LRRC4C: variants seen among roughly 807,000 people sequenced by gnomAD.
LRRC4C encodes leucine rich repeat containing 4C.
LRRC4C carries 5 observed loss-of-function variants against 33.6 expected under a neutral mutation model. The observed-to-expected ratio is 0.15, with a 90% confidence interval of 0.08 to 0.31. The LOEUF (loss-of-function observed/expected upper bound fraction) is 0.31, where lower values mean the gene tolerates loss of function less well. LRRC4C is among the 10% of genes least tolerant of loss of function. The probability of loss-of-function intolerance (pLI) is 1.00; values close to 1 mark genes in which losing one functional copy is unlikely to be tolerated. For missense variants in LRRC4C, 560 were observed against 796.7 expected (o/e 0.70, Z 3.58); for synonymous variants, 329 against 302.0 (o/e 1.09, Z -0.93).
intron 3 of LRRC4C, among the ~76,000 whole-genome samples, chr11:40,507,776 G>A (rs1220928197): frequency 7.4e-6 from 1 of 135,504 alleles, no homozygotes; most frequent in Non-Finnish European, 1.5e-5. Context: ...GTCTCACTCT[G>A]TTGTGCAGGC....
intron 2 of LRRC4C, among the ~76,000 whole-genome samples, chr11:40,906,578 G>T (rs1233023540): frequency 6.6e-6 from 1 of 152,016 alleles, no homozygotes; most frequent in South Asian, 2.1e-4. Context: ...GTGTAAACAG[G>T]ACTTTTATAT....
chr11:41,106,920 G>A (rs777492554), intron 1 of LRRC4C, among the ~76,000 whole-genome samples: 1 of 152,024 alleles, frequency 6.6e-6, no homozygotes, highest in Non-Finnish European at 1.5e-5. Context: ...GGGTGGGGCA[G>A]GAGGATCCCT....
chr11:40,251,023 G>C (rs532235104), intron 4 of LRRC4C, among the ~76,000 whole-genome samples: 1 of 152,062 alleles, frequency 6.6e-6, no homozygotes. Context: ...TTTTAAATCC[G>C]TGAAAATCTG....
At chr11:40,861,467 A>G (rs2135847854) in intron 2 of LRRC4C, among the ~76,000 whole-genome samples, 1 of 152,322 alleles carries the variant, frequency 6.6e-6, no homozygotes, top group Non-Finnish European at 1.5e-5. Flanking sequence ...TTCCATTACC[A>G]AAAACTTGCA....
chr11:41,167,571 A>C (rs2136073604), intron 1 of LRRC4C, among the ~76,000 whole-genome samples: 1 of 152,318 alleles, frequency 6.6e-6, no homozygotes, highest in African/African-American at 2.4e-5. Context: ...GAAACACTTC[A>C]GCACTTAATC....
intron 5 of LRRC4C, among the ~76,000 whole-genome samples, chr11:40,162,330 A>G (rs950879254): frequency 6.6e-6 from 1 of 152,162 alleles, no homozygotes; most frequent in African/African-American, 2.4e-5. Flanking sequence ...AAGGTTAAAT[A>G]AAAATGGATT....
At chr11:41,194,546 G>A (rs11036283) in intron 1 of LRRC4C, among the ~76,000 whole-genome samples, 77,920 of 151,964 alleles carry the variant, frequency 0.51, 23,043 homozygotes, top group Non-Finnish European at 0.67. Context: ...TGTTGGCTTC[G>A]AGGAATCAAG....
intron 1 of LRRC4C, among the ~76,000 whole-genome samples, chr11:41,108,506 T>C (rs897941026): frequency 6.6e-6 from 1 of 152,146 alleles, no homozygotes; most frequent in Non-Finnish European, 1.5e-5. Flanking sequence ...AGTCTATATT[T>C]TGTGGAACTT....
chr11:40,917,190 T>C (rs1956998216), intron 2 of LRRC4C, among the ~76,000 whole-genome samples: 1 of 152,124 alleles, frequency 6.6e-6, no homozygotes, highest in Non-Finnish European at 1.5e-5. Context: ...TTCCAAAGTT[T>C]TGGAGTGACA....
rs149358185 is a variant in LRRC4C, at chr11:41,126,824, G to A, written c.-495-193101C>T. On this transcript the variant is annotated intron_variant, in intron 1 of 6. Transcript: ENST00000528697. ...CTGAGGTACCTATTACGTGAGCAACGCCGCTGTAGAACATGAGCCTCAAAT... is the reference window on the plus strand; with the variant it reads ...CTGAGGTACCTATTACGTGAGCAACACCGCTGTAGAACATGAGCCTCAAAT... 6.4e-4 allele frequency among the ~76,000 whole-genome samples: 98 copies of A among 152,134 alleles called. No individual in the cohort carries two copies. In the East Asian group the frequency reaches 0.015, roughly 24 times the overall value.
intron 3 of LRRC4C, among the ~76,000 whole-genome samples, chr11:40,621,818 AT>A (rs980521678): frequency 4.6e-5 from 7 of 151,718 alleles, no homozygotes; most frequent in Non-Finnish European, 7.4e-5. Context: ...TTTCTCAGAG[AT>A]TTTGATGTAT....
chr11:40,336,384 T>C (rs1445516330), intron 3 of LRRC4C, among the ~76,000 whole-genome samples: 1 of 152,108 alleles, frequency 6.6e-6, no homozygotes, highest in African/African-American at 2.4e-5. Flanking sequence ...TTGATTCTCC[T>C]CTCTTCCCTT....
intron 1 of LRRC4C, among the ~76,000 whole-genome samples, chr11:41,188,205 G>A (rs1299145192): frequency 6.6e-6 from 1 of 151,870 alleles, no homozygotes; most frequent in Non-Finnish European, 1.5e-5. Context: ...GAGACATTCT[G>A]TGCTGTTGAA....
chr11:40,718,134 T>C (rs1164316159), intron 2 of LRRC4C, among the ~76,000 whole-genome samples: 1 of 152,190 alleles, frequency 6.6e-6, no homozygotes, highest in African/African-American at 2.4e-5. Flanking sequence ...TAATCATTTC[T>C]GAAGAATTTC....
At chr11:40,926,073 G>T (rs1406957588) in intron 2 of LRRC4C, among the ~76,000 whole-genome samples, 4 of 150,416 alleles carry the variant, frequency 2.7e-5, no homozygotes, top group African/African-American at 7.3e-5. Flanking sequence ...AGGGTTTTTT[G>T]TTGTTGTTGT....
chr11:41,401,810 T>C (rs1286135024), intron 1 of LRRC4C, among the ~76,000 whole-genome samples: 1 of 151,970 alleles, frequency 6.6e-6, no homozygotes, highest in African/African-American at 2.4e-5. Flanking sequence ...TATGCATGGT[T>C]GAGAATGTTT....
intron 5 of LRRC4C, among the ~76,000 whole-genome samples, chr11:40,232,205 C>G (rs893496773): frequency 6.6e-6 from 1 of 152,188 alleles, no homozygotes. Context: ...GAGGTTTCGC[C>G]ATGTTGGGCA....
intron 2 of LRRC4C, among the ~76,000 whole-genome samples, chr11:40,663,879 T>C (rs1236566609): frequency 6.6e-6 from 1 of 152,158 alleles, no homozygotes; most frequent in Non-Finnish European, 1.5e-5. Flanking sequence ...ACCATCAAAA[T>C]GATTGCAGAA....
chr11:41,338,742 A>G (rs980755965), intron 1 of LRRC4C, among the ~76,000 whole-genome samples: 1 of 152,176 alleles, frequency 6.6e-6, no homozygotes, highest in Non-Finnish European at 1.5e-5. Context: ...AATGCTTGGC[A>G]TTGTATTGAG....
Sources: allele counts gnomAD v4.1 joint callset (sites outside exome capture counted in the v4.1 genomes callset), GRCh38; gene constraint gnomAD v4.1.1; transcripts MANE v1.5; gene names NCBI Gene and HGNC (gene_info 2026-07-23, HGNC 2026-07-21).